Variants in TM2D3 observed in about 807,000 individuals in gnomAD.
The protein encoded by TM2D3 is TM2 domain containing 3.
Under a neutral mutation model 27.3 loss-of-function variants are expected in TM2D3, and 33 were observed. The observed-to-expected ratio is 1.21, with a 90% confidence interval of 0.92 to 1.61. The LOEUF (loss-of-function observed/expected upper bound fraction) is 1.61. TM2D3 is among the 40% of genes most tolerant of loss of function. The pLI, the probability that TM2D3 is intolerant of heterozygous loss-of-function variation, is 0.00. For missense variants in TM2D3, 364 were observed against 320.8 expected (o/e 1.13, Z -1.03); for synonymous variants, 138 against 122.2 (o/e 1.13, Z -0.85).
chr15:101,643,132 C>CTA (rs1896710891), intron 5 of TM2D3, among the ~76,000 whole-genome samples: 1 of 151,958 alleles, frequency 6.6e-6, no homozygotes, highest in Non-Finnish European at 1.5e-5. Context: ...AATACTGAAA[C>CTA]TATATTATGG....
rs1298476716 is a variant in TM2D3 at position 101,642,006 on chromosome 15, CAT to C, written c.*471_*472del. ...TATGTATTACACTGCAAAACTTACA[CAT>C]GACTGAAGCTGAGCCTAATAACTTC... On this transcript the variant is annotated 3_prime_UTR_variant, in exon 6 of 6. Coordinates refer to ENST00000333202, the MANE Select transcript of TM2D3 (RefSeq NM_078474.3). 1.3e-5 allele frequency: 13 copies of C among 985,858 alleles called. No individual in the cohort carries two copies. The highest frequency in any genetic ancestry group is 9.3e-5 in the South Asian group (2 of 21,558). 61.1% of individuals were successfully genotyped at this position (985,858 alleles called of 1,614,324 possible).
chr15:101,651,341 C>A (rs913104535), intron 2 of TM2D3: 3 of 253,832 alleles, frequency 1.2e-5, no homozygotes. Flanking sequence ...CCTGAGGGAG[C>A]CTTTAATATT....
exon 5 of TM2D3, chr15:101,633,567 C>G (rs1896492777): frequency 1.2e-6 from 1 of 861,220 alleles, no homozygotes. Context: ...CTTTCTTCTT[C>G]AAGGACTGCT....
downstream of TM2D3, among the ~76,000 whole-genome samples, chr15:101,637,864 T>C (rs971577562): frequency 6.6e-6 from 1 of 152,224 alleles, no homozygotes; most frequent in Non-Finnish European, 1.5e-5. Context: ...AAGGACAACT[T>C]CATAATATGT....
At chr15:101,646,014 A>G (rs970139190) in intron 4 of TM2D3, 5 of 152,394 alleles carry the variant, frequency 3.3e-5, no homozygotes, top group African/African-American at 1.2e-4. Context: ...CACACGCTGG[A>G]AAGTACATGC....
At chr15:101,638,506 C>T (rs1390423674), downstream of TM2D3, among the ~76,000 whole-genome samples, 1 of 152,070 alleles carries the variant, frequency 6.6e-6, no homozygotes, top group Non-Finnish European at 1.5e-5. Context: ...CCATGTTGGC[C>T]AGGCTGGTCT....
At chr15:101,641,303 T>TC (rs1555478292), downstream of TM2D3, among the ~76,000 whole-genome samples, 1 of 131,062 alleles carries the variant, frequency 7.6e-6, no homozygotes, top group African/African-American at 2.7e-5. Context: ...AGTTTTTTTT[T>TC]CTGTTTCTGG....
intron 5 of TM2D3, among the ~76,000 whole-genome samples, chr15:101,644,753 A>G (rs1478533110): frequency 6.6e-6 from 1 of 152,196 alleles, no homozygotes. Flanking sequence ...AGTGTTCATC[A>G]TGTATTACTT....
intron 4 of TM2D3, chr15:101,645,419 T>C (rs962576611): frequency 2.1e-6 from 1 of 473,920 alleles, no homozygotes; most frequent in Non-Finnish European, 3.8e-6. Flanking sequence ...GTTACGAGTA[T>C]ATAAGACAGT....
Position 101,652,319 on chromosome 15 carries a change from A to C in TM2D3, c.43T>G (p.Cys15Gly). 1.2e-6 allele frequency: 2 copies of C among 1,602,846 alleles called. No individual in the cohort carries two copies. The highest frequency in any genetic ancestry group is 1.7e-6 in the Non-Finnish European group (2 of 1,175,338). Reference sequence around the variant, plus strand: ...TGCGAGAGGAAGAGCAGCACGCGACACAAGGCGCGGAGGCCCCTCAGCGGG... The same window carrying C: ...TGCGAGAGGAAGAGCAGCACGCGACCCAAGGCGCGGAGGCCCCTCAGCGGG... ...VLPLRGLRAL[C>G]RVLLFLSQFC... The change falls in exon 1 of 6, where the codon TGT (cysteine) becomes GGT (glycine). Residue 15 changes from cysteine to glycine, a missense_variant. Coordinates refer to ENST00000333202, the MANE Select transcript of TM2D3 (RefSeq NM_078474.3).
At chr15:101,635,606 C>T (rs1236536409) in intron 4 of TM2D3, 5 of 152,076 alleles carry the variant, frequency 3.3e-5, no homozygotes, top group African/African-American at 9.7e-5. Context: ...ATCAACGTTC[C>T]CTGCTTGATG....
intron 4 of TM2D3, chr15:101,646,273 C>T (rs1596265413): frequency 6.0e-6 from 1 of 166,414 alleles, no homozygotes; most frequent in Non-Finnish European, 1.3e-5. Flanking sequence ...GGTTCTAAAA[C>T]ATGCATTATT....
At chr15:101,638,752 C>T (rs1896604762), downstream of TM2D3, among the ~76,000 whole-genome samples, 1 of 152,046 alleles carries the variant, frequency 6.6e-6, no homozygotes, top group Non-Finnish European at 1.5e-5. Flanking sequence ...GTGGAGTTTT[C>T]ATTTGTTTGC....
chr15:101,643,599 TAAAAAAA>T (rs1158728522), intron 5 of TM2D3, among the ~76,000 whole-genome samples: 7 of 47,342 alleles, frequency 1.5e-4, no homozygotes, highest in South Asian at 9.2e-4. Context: ...GAGACTCCGT[TAAAAAAA>T]AAAAAAAAAA....
chr15:101,646,404 A>ACTCAGGCACTCAGGCACTCAGGCACTCAG (rs1896806242), intron 4 of TM2D3: 3 of 250,404 alleles, frequency 1.2e-5, no homozygotes, highest in Non-Finnish European at 2.4e-5. Flanking sequence ...GGTGAAGGCA[A>ACTCAGGCACTCAGGCACTCAGGCACTCAG]GCACTCAGGC....
chr15:101,650,058 G>A lies in TM2D3; in HGVS notation c.273C>T (p.Thr91=). 1.2e-6 allele frequency: 2 copies of A among 1,614,148 alleles called. No individual in the cohort carries two copies. The highest frequency in any genetic ancestry group is 1.7e-6 in the Non-Finnish European group (2 of 1,180,004). Reference sequence around the variant, plus strand: ...AGTCAAAAGTGACAGGCTTCCCATAGGTACAGGAGAAATTTGTTGTGCAGT... The same window carrying A: ...AGTCAAAAGTGACAGGCTTCCCATAAGTACAGGAGAAATTTGTTGTGCAGT... ...CIDCTTNFSC[T]YGKPVTFDCA... Residue 91 remains threonine (T), a synonymous_variant, in exon 3 of 6, where the codon ACC becomes ACT. Transcript: ENST00000333202.
At chr15:101,645,936 AT>A (rs1330411023) in intron 4 of TM2D3, 1 of 152,280 alleles carries the variant, frequency 6.6e-6, no homozygotes, top group Non-Finnish European at 1.5e-5. Flanking sequence ...TGGAGAGAAT[AT>A]GGCTCATCAG....
intron 5 of TM2D3, 117 bp from the exon 6 acceptor site, chr15:101,642,761 CT>C (rs1896701626): frequency 1.3e-6 from 1 of 763,254 alleles, no homozygotes; most frequent in African/African-American, 1.8e-5. Flanking sequence ...GATCGTAGCC[CT>C]TAACTGGAAC....
At chr15:101,637,713 G>C (rs1040790155), downstream of TM2D3, among the ~76,000 whole-genome samples, 4 of 152,138 alleles carry the variant, frequency 2.6e-5, no homozygotes, top group Admixed American at 6.5e-5. Flanking sequence ...CCAAGTAGCT[G>C]GGACCACAGG....
Sources: allele counts gnomAD v4.1 joint callset (sites outside exome capture counted in the v4.1 genomes callset), GRCh38; gene constraint gnomAD v4.1.1; transcripts MANE v1.5; gene names NCBI Gene and HGNC (gene_info 2026-07-23, HGNC 2026-07-21).